Variants in ODAD2 observed in about 807,000 individuals in gnomAD.
ODAD2 encodes the protein outer dynein arm docking complex subunit 2, also known as outer dynein arm-docking complex subunit 2.
Under a neutral mutation model 106.8 loss-of-function variants are expected in ODAD2, and 89 were observed. That is an observed-to-expected ratio of 0.83 (90% CI 0.70 to 0.99). The LOEUF (loss-of-function observed/expected upper bound fraction) is 0.99, where lower values mean the gene tolerates loss of function less well. ODAD2 is among the 50% of genes least tolerant of loss of function. The probability of loss-of-function intolerance (pLI) is 0.00; values close to 1 mark genes in which losing one functional copy is unlikely to be tolerated. For synonymous variants in ODAD2, 404 were observed against 436.2 expected, an observed-to-expected ratio of 0.93 and a Z score of 0.92; for missense variants, 1,168 against 1,238.5, an observed-to-expected ratio of 0.94 and a Z score of 0.85.
At chr10:27,911,694 C>T (rs1054418702) in intron 16 of ODAD2, among the ~76,000 whole-genome samples, 13 of 152,150 alleles carry the variant, frequency 8.5e-5, no homozygotes, top group Admixed American at 5.9e-4. Flanking sequence ...AAACCTCTTT[C>T]GCAAATTCTC....
In ODAD2 at chr10:27,942,714, G is replaced by T. The variant is rs575787485; in HGVS notation, c.1743+1508C>A. ...CTGTAACATTTTAATGAAAATTTTC[G>T]AACAGAAAAGCTTTAAGAATTGTAC... On this transcript the variant is annotated intron_variant, in intron 12 of 19. Coordinates refer to ENST00000305242, the MANE Select transcript of ODAD2 (RefSeq NM_018076.5). Among the ~76,000 whole-genome samples, 31 of 151,976 alleles carry T rather than the reference G, an allele frequency of 2.0e-4. No homozygotes were observed. The South Asian group carries it at 2.3e-3, about 11-fold the overall frequency.
intron 16 of ODAD2, among the ~76,000 whole-genome samples, chr10:27,932,667 C>G (rs1472234637): frequency 6.6e-6 from 1 of 152,188 alleles, no homozygotes; most frequent in Non-Finnish European, 1.5e-5. Context: ...CTGCCTCCTT[C>G]TCAGTTTTTA....
intron 14 of ODAD2, 45 bp downstream of exon 14, chr10:27,939,852 T>C: frequency 1.6e-6 from 2 of 1,238,448 alleles, no homozygotes; most frequent in Non-Finnish European, 2.3e-6. Flanking sequence ...TACCTTAAAC[T>C]ATGTGAGAAA....
intron 17 of ODAD2, among the ~76,000 whole-genome samples, chr10:27,901,412 G>A (rs190981707): frequency 6.6e-6 from 1 of 152,046 alleles, no homozygotes; most frequent in Non-Finnish European, 1.5e-5. Flanking sequence ...CAACTAATGG[G>A]CAAAATAACC....
At chr10:27,981,350 C>T in intron 7 of ODAD2, 116 bp downstream of exon 7, 1 of 913,938 alleles carries the variant, frequency 1.1e-6, no homozygotes. Flanking sequence ...AAAAAAAAAC[C>T]ACTAATAATA....
intron 19 of ODAD2, among the ~76,000 whole-genome samples, chr10:27,829,088 T>C (rs1301483167): frequency 6.6e-6 from 1 of 152,050 alleles, no homozygotes; most frequent in African/African-American, 2.4e-5. Flanking sequence ...CCAGAAGAGA[T>C]GAAGCCAGAG....
intron 17 of ODAD2, among the ~76,000 whole-genome samples, chr10:27,875,727 T>C (rs1234395262): frequency 6.6e-6 from 1 of 152,118 alleles, no homozygotes; most frequent in Non-Finnish European, 1.5e-5. Context: ...CCACCGAGCA[T>C]GAGCCAAAGC....
At chr10:27,904,313 G>A (rs544269082) in intron 17 of ODAD2, 103 of 348,694 alleles carry the variant, frequency 3.0e-4, no homozygotes, top group Non-Finnish European at 5.3e-4. Flanking sequence ...CTGTGTATGC[G>A]CGGGGAACAT....
intron 19 of ODAD2, among the ~76,000 whole-genome samples, chr10:27,833,937 A>G (rs1837668144): frequency 4.6e-5 from 7 of 152,244 alleles, no homozygotes. Context: ...GATTGGGAGA[A>G]CATTCCAAGC....
At chr10:27,981,604 A>G (rs1849549610) in intron 6 of ODAD2, 22 bp from the exon 7 acceptor site, 1 of 1,445,584 alleles carries the variant, frequency 6.9e-7, no homozygotes, top group Non-Finnish European at 9.3e-7. Context: ...AACAAGTTTC[A>G]TTCTATGATT....
chr10:27,813,586 A>T (rs764950964), intron 19 of ODAD2: 2 of 152,236 alleles, frequency 1.3e-5, no homozygotes, highest in Non-Finnish European at 2.9e-5. Flanking sequence ...TTTACCCAAT[A>T]GCATTTGAGT....
intron 1 of ODAD2, among the ~76,000 whole-genome samples, 177 bp downstream of exon 1, chr10:27,998,817 C>T (rs545570252): frequency 5.0e-4 from 76 of 152,190 alleles, no homozygotes; most frequent in African/African-American, 1.8e-3. Flanking sequence ...AGCACCCTGC[C>T]CCCCGCAGTC....
intron 17 of ODAD2, among the ~76,000 whole-genome samples, chr10:27,868,250 C>T (rs1010074140): frequency 2.0e-5 from 3 of 152,092 alleles, no homozygotes; most frequent in Non-Finnish European, 4.4e-5. Context: ...TTAGTTTAAC[C>T]ATTGTGGAAG....
At chr10:27,898,172 A>G (rs1019538749) in intron 17 of ODAD2, among the ~76,000 whole-genome samples, 1 of 152,154 alleles carries the variant, frequency 6.6e-6, no homozygotes, top group East Asian at 1.9e-4. Context: ...ATTTTCAATG[A>G]CCATTGACAG....
chr10:27,998,583 G>C (rs946413322), intron 1 of ODAD2, among the ~76,000 whole-genome samples: 2 of 151,856 alleles, frequency 1.3e-5, no homozygotes, highest in African/African-American at 4.8e-5. Flanking sequence ...GGAGCAGACG[G>C]TCCCCAACCT....
At chr10:27,962,373 C>T (rs1848198638) in intron 9 of ODAD2, among the ~76,000 whole-genome samples, 1 of 152,210 alleles carries the variant, frequency 6.6e-6, no homozygotes, top group African/African-American at 2.4e-5. Flanking sequence ...TCGTGGTTAC[C>T]ACACTGGACA....
At chr10:27,924,008 A>AGAG (rs1845013910) in intron 16 of ODAD2, among the ~76,000 whole-genome samples, 2 of 104,188 alleles carry the variant, frequency 1.9e-5, no homozygotes, top group African/African-American at 4.1e-5. Flanking sequence ...GAAAGAAAGA[A>AGAG]AGAAAGAAAG....
At chr10:27,952,759 G>A (rs1847448939) in intron 10 of ODAD2, among the ~76,000 whole-genome samples, 1 of 152,126 alleles carries the variant, frequency 6.6e-6, no homozygotes, top group Admixed American at 6.5e-5. Flanking sequence ...TAACAGCTCT[G>A]GCTAATTTCA....
intron 2 of ODAD2, among the ~76,000 whole-genome samples, chr10:27,988,407 G>C (rs532697718): frequency 6.7e-6 from 1 of 148,870 alleles, no homozygotes; most frequent in African/African-American, 2.5e-5. Context: ...GCGTGATCTC[G>C]GGTCACTGCA....
Sources: allele counts gnomAD v4.1 joint callset (sites outside exome capture counted in the v4.1 genomes callset), GRCh38; gene constraint gnomAD v4.1.1; transcripts MANE v1.5; gene names NCBI Gene and HGNC (gene_info 2026-07-23, HGNC 2026-07-21).